The following POLN variants were observed in gnomAD, a reference collection of about 807,000 sequenced individuals.
The protein encoded by POLN is DNA polymerase nu.
POLN carries 108 observed loss-of-function variants against 113.5 expected under a neutral mutation model. The ratio of observed to expected loss-of-function variants is 0.95; its 90% CI spans 0.81 to 1.12. The LOEUF is 1.12. POLN is among the 50% of genes most tolerant of loss of function. The probability of loss-of-function intolerance (pLI) is 0.00; values close to 1 mark genes in which losing one functional copy is unlikely to be tolerated. For synonymous variants in POLN, 386 were observed against 391.5 expected (o/e 0.99, Z 0.17); for missense variants, 1,097 against 1,077.1 (o/e 1.02, Z -0.26).
intron 19 of POLN, among the ~76,000 whole-genome samples, chr4:2,113,880 T>C (rs1016544939): frequency 9.5e-5 from 14 of 147,376 alleles, no homozygotes; most frequent in African/African-American, 3.5e-4. Context: ...ATAATAATAA[T>C]AATAATAATA....
chr4:2,213,138 A>C lies in POLN; in HGVS notation c.134-12T>G. The C allele has an allele frequency of 2.6e-6, 4 of 1,556,540 alleles. No individual in the cohort carries two copies. The highest frequency in any genetic ancestry group is 3.5e-6 in the Non-Finnish European group (4 of 1,144,838). ...TATCACTTCCATAGCTTTTAAAAAC[A>C]ACAAAAAAGAAACATGGGGCATTAA... On this transcript the variant is annotated splice_polypyrimidine_tract_variant and intron_variant, in intron 3 of 25. Transcript: ENST00000511885.
At chr4:2,087,967 C>T (rs1003051064) in intron 20 of POLN, among the ~76,000 whole-genome samples, 10 of 152,090 alleles carry the variant, frequency 6.6e-5, no homozygotes, top group Non-Finnish European at 1.5e-4. Flanking sequence ...TGAGTAGCTA[C>T]AGATGTATGC....
chr4:2,108,499 C>T (rs1188534398), intron 19 of POLN, among the ~76,000 whole-genome samples: 2 of 152,112 alleles, frequency 1.3e-5, no homozygotes, highest in African/African-American at 4.8e-5. Flanking sequence ...AGAGAATGCT[C>T]CTGGGTACAG....
intron 23 of POLN, among the ~76,000 whole-genome samples, chr4:2,077,987 G>A (rs976718839): frequency 6.6e-6 from 1 of 152,216 alleles, no homozygotes; most frequent in African/African-American, 2.4e-5. Flanking sequence ...TTCTGCATCT[G>A]GATGGCCTGA....
chr4:2,131,361 G>C (rs1191229812), intron 16 of POLN, 71 bp from the exon 17 acceptor site: 1 of 1,003,644 alleles, frequency 1.0e-6, no homozygotes, highest in African/African-American at 1.6e-5. Context: ...GGTATTTAAT[G>C]TACATCACAT....
At chr4:2,158,918 T>C (rs910376255) in intron 14 of POLN, among the ~76,000 whole-genome samples, 3 of 152,168 alleles carry the variant, frequency 2.0e-5, no homozygotes, top group African/African-American at 7.2e-5. Flanking sequence ...CGATTCCTCA[T>C]TGTCTTCTTC....
chr4:2,191,028 C>G (rs1046574763), intron 7 of POLN, among the ~76,000 whole-genome samples: 2 of 152,162 alleles, frequency 1.3e-5, no homozygotes, highest in African/African-American at 4.8e-5. Flanking sequence ...GGTATATATT[C>G]AAAAGAATCA....
At chr4:2,219,017 T>C (rs1407275231) in intron 3 of POLN, among the ~76,000 whole-genome samples, 4 of 152,178 alleles carry the variant, frequency 2.6e-5, no homozygotes, top group African/African-American at 9.7e-5. Context: ...TTCACTATCT[T>C]TGCTGGGAAG....
chr4:2,170,600 G>A (rs1732835885), intron 13 of POLN, 79 bp downstream of exon 13: 3 of 1,237,634 alleles, frequency 2.4e-6, no homozygotes, highest in African/African-American at 3.0e-5. Flanking sequence ...AGAGTCTCGG[G>A]TGGGTCTGAA....
chr4:2,208,470 T>G lies in POLN; in HGVS notation c.231A>C (p.Arg77Ser). ...SPEKKDLKSL[R>S]SQTSRGSAKL... ...TGGCAGAACCTCTTGATGTCTGACTTCTTAAAGATTTAAGATCCTACAGAA... is the reference window on the plus strand; with the variant it reads ...TGGCAGAACCTCTTGATGTCTGACTGCTTAAAGATTTAAGATCCTACAGAA... Residue 77 changes from arginine to serine, a missense_variant, in exon 5 of 26, where the codon AGA (arginine) becomes AGC (serine). Transcript: ENST00000511885. The G allele has an allele frequency of 6.5e-7, 1 of 1,549,114 alleles. No homozygotes were observed.
chr4:2,225,622 T>TAA (rs545027576), intron 3 of POLN, among the ~76,000 whole-genome samples: 19 of 136,002 alleles, frequency 1.4e-4, no homozygotes, highest in South Asian at 2.3e-4. Context: ...TTGTTTTTTC[T>TAA]AAAAAAAAAA....
At chr4:2,146,056 C>T (rs938746648) in intron 16 of POLN, among the ~76,000 whole-genome samples, 2 of 148,710 alleles carry the variant, frequency 1.3e-5, no homozygotes, top group Non-Finnish European at 3.0e-5. Context: ...AAAAAAAAGA[C>T]AATCTATCAT....
At chr4:2,157,978 G>T in intron 14 of POLN, 67 bp from the exon 15 acceptor site, 1 of 1,284,528 alleles carries the variant, frequency 7.8e-7, no homozygotes, top group South Asian at 1.3e-5. Context: ...GGGGGAAGGA[G>T]TCTCGCTCCA....
intron 7 of POLN, among the ~76,000 whole-genome samples, chr4:2,192,554 G>A (rs1225924914): frequency 6.6e-6 from 1 of 151,890 alleles, no homozygotes; most frequent in Non-Finnish European, 1.5e-5. Context: ...TGCCCAGGCT[G>A]GTCTTGAACT....
chr4:2,148,668 C>A (rs1405763863), intron 16 of POLN, among the ~76,000 whole-genome samples: 1 of 39,498 alleles, frequency 2.5e-5, no homozygotes, highest in African/African-American at 5.3e-5. Context: ...CTCTGTCCCC[C>A]CCCCAAAAAA....
At chr4:2,195,418 C>A (rs941711068) in intron 6 of POLN, among the ~76,000 whole-genome samples, 5 of 149,372 alleles carry the variant, frequency 3.3e-5, no homozygotes, top group Admixed American at 1.3e-4. Flanking sequence ...GGGGTACCAT[C>A]TCATACAGGG....
At chr4:2,207,063 C>T (rs1733863718) in intron 5 of POLN, among the ~76,000 whole-genome samples, 1 of 152,186 alleles carries the variant, frequency 6.6e-6, no homozygotes, top group African/African-American at 2.4e-5. Flanking sequence ...GAATACTACT[C>T]AGCCATAAAA....
intron 20 of POLN, chr4:2,090,622 G>A: frequency 7.3e-6 from 3 of 409,648 alleles, no homozygotes; most frequent in South Asian, 5.7e-5. Flanking sequence ...GGCCATGACG[G>A]TGGAGAGGGC....
chr4:2,111,489 C>A (rs1304401649), intron 19 of POLN, among the ~76,000 whole-genome samples: 1 of 152,182 alleles, frequency 6.6e-6, no homozygotes, highest in Admixed American at 6.5e-5. Flanking sequence ...ATCTAGAAAA[C>A]CCCATCGTCT....
Sources: allele counts gnomAD v4.1 joint callset (sites outside exome capture counted in the v4.1 genomes callset), GRCh38; gene constraint gnomAD v4.1.1; transcripts MANE v1.5; gene names NCBI Gene and HGNC (gene_info 2026-07-23, HGNC 2026-07-21).